Variants in KCNQ3 observed in about 807,000 individuals in gnomAD.
The protein encoded by KCNQ3 is potassium voltage-gated channel subfamily Q member 3, also known as potassium voltage-gated channel subfamily KQT member 3.
A neutral mutation model predicts 92.5 loss-of-function variants in KCNQ3; 30 were observed. The ratio of observed to expected loss-of-function variants is 0.32; its 90% CI spans 0.24 to 0.44. The LOEUF (loss-of-function observed/expected upper bound fraction) is 0.44, where lower values mean the gene tolerates loss of function less well. KCNQ3 is among the 20% of genes least tolerant of loss of function. KCNQ3 has a pLI of 1.00. For missense variants in KCNQ3, 913 were observed against 1,140.3 expected (o/e 0.80, Z 2.87); for synonymous variants, 450 against 468.8 (o/e 0.96, Z 0.52).
rs750149056 is a variant in KCNQ3, at chr8:132,129,790, G to A, written c.2091C>T (p.Tyr697=). 5 of 1,614,220 alleles carry A rather than the reference G, an allele frequency of 3.1e-6. No homozygotes were observed. Among genetic ancestry groups the A allele is most frequent in the South Asian group, 1.1e-5 (1 of 91,086 alleles). The change falls in exon 15 of 15, where the codon TAC becomes TAT. Residue 697 remains tyrosine (Y), a synonymous_variant. Coordinates refer to ENST00000388996, the MANE Select transcript of KCNQ3 (RefSeq NM_004519.4). The surrounding 1 kb of genome is among the most constrained non-coding windows in gnomAD (Gnocchi z 5.9). ...TGTCAATGGTCACCTGGTGGAAGCT[G>A]TAGGGTGGTTCCGGGGGGCCTGTCT... The part of the protein sequence containing the change: ...YSETGPPEPP[Y]SFHQVTIDKV...
At chr8:132,254,468 T>C (rs1815514528) in intron 1 of KCNQ3, among the ~76,000 whole-genome samples, 1 of 152,244 alleles carries the variant, frequency 6.6e-6, no homozygotes, top group African/African-American at 2.4e-5. Flanking sequence ...GATATATTAA[T>C]GTGTTTGTCA....
chr8:132,389,192 C>T (rs1476897555), intron 1 of KCNQ3, among the ~76,000 whole-genome samples: 7 of 152,246 alleles, frequency 4.6e-5, no homozygotes, highest in African/African-American at 1.7e-4. Flanking sequence ...TGCAGTGGTT[C>T]ACACCTGTAA....
chr8:132,456,664 G>GT (rs1821949135), intron 1 of KCNQ3, among the ~76,000 whole-genome samples: 1 of 151,512 alleles, frequency 6.6e-6, no homozygotes, highest in Admixed American at 6.6e-5. Context: ...CTGCAGTGCA[G>GT]TGGTGCGATC....
At chr8:132,242,722 G>A (rs1221352928) in intron 1 of KCNQ3, among the ~76,000 whole-genome samples, 10 of 152,128 alleles carry the variant, frequency 6.6e-5, no homozygotes, top group Non-Finnish European at 1.3e-4. Context: ...AATATTTATC[G>A]AATGAATGAA....
intron 9 of KCNQ3, among the ~76,000 whole-genome samples, chr8:132,153,656 G>A (rs1639426686): frequency 6.6e-6 from 1 of 151,988 alleles, no homozygotes; most frequent in African/African-American, 2.4e-5. Flanking sequence ...GCATAAATGA[G>A]GTCTAGGTAA....
At chr8:132,311,118 C>G (rs1035797619) in intron 1 of KCNQ3, among the ~76,000 whole-genome samples, 1 of 151,980 alleles carries the variant, frequency 6.6e-6, no homozygotes, top group Non-Finnish European at 1.5e-5. Flanking sequence ...CTATTAGAGA[C>G]GGAGTTTTAC....
chr8:132,381,431 C>T (rs1193902581), intron 1 of KCNQ3, among the ~76,000 whole-genome samples: 1 of 152,162 alleles, frequency 6.6e-6, no homozygotes, highest in Non-Finnish European at 1.5e-5. Flanking sequence ...AAACGACAGC[C>T]CTTCCCAAAC....
chr8:132,170,915 A>C (rs1826319211), intron 7 of KCNQ3, among the ~76,000 whole-genome samples: 1 of 151,532 alleles, frequency 6.6e-6, no homozygotes, highest in Admixed American at 6.6e-5. Context: ...GCTACCTGGG[A>C]GGCTGAAGTG....
intron 1 of KCNQ3, among the ~76,000 whole-genome samples, chr8:132,405,708 C>G (rs187906169): frequency 6.6e-6 from 1 of 152,312 alleles, no homozygotes; most frequent in Admixed American, 6.5e-5. Flanking sequence ...AAGATCAGTG[C>G]TATAGTAGAG....
At chr8:132,206,183 G>A (rs1363622898) in intron 1 of KCNQ3, among the ~76,000 whole-genome samples, 4 of 152,142 alleles carry the variant, frequency 2.6e-5, no homozygotes, top group Admixed American at 6.5e-5. Flanking sequence ...ACGATCTAGA[G>A]CACCTGCTCT....
At chr8:132,155,198 C>A (rs76659403) in intron 9 of KCNQ3, among the ~76,000 whole-genome samples, 2 of 152,286 alleles carry the variant, frequency 1.3e-5, no homozygotes, top group East Asian at 3.9e-4. Context: ...ATTGTGAGGG[C>A]CTTTCCCGTT....
chr8:132,402,934 C>G (rs1324832151), intron 1 of KCNQ3, among the ~76,000 whole-genome samples: 1 of 144,730 alleles, frequency 6.9e-6, no homozygotes, highest in Non-Finnish European at 1.5e-5. Context: ...AGGGGAATCG[C>G]TTGAACCCAG....
intron 1 of KCNQ3, among the ~76,000 whole-genome samples, chr8:132,354,035 T>C (rs1022169190): frequency 2.0e-5 from 3 of 152,184 alleles, no homozygotes; most frequent in Non-Finnish European, 4.4e-5. Context: ...AGCAGGAATA[T>C]AGCACCTGGC....
chr8:132,138,666 C>G (rs143027287), intron 11 of KCNQ3, among the ~76,000 whole-genome samples: 245 of 152,300 alleles, frequency 1.6e-3, no homozygotes, highest in African/African-American at 5.6e-3. Context: ...TGAGCCTCAT[C>G]ATAAAGTTAA....
intron 1 of KCNQ3, among the ~76,000 whole-genome samples, chr8:132,314,799 T>C (rs1257657701): frequency 6.6e-6 from 1 of 152,174 alleles, no homozygotes; most frequent in Non-Finnish European, 1.5e-5. Context: ...AGAGTCCTAA[T>C]AGAGGTTATG....
rs888369638 is a variant in KCNQ3, at chr8:132,123,164, TTGG to T, written c.*6095_*6097del. On this transcript the variant is annotated 3_prime_UTR_variant, in exon 15 of 15. Transcript: ENST00000388996. Reference sequence around the variant, plus strand: ...TTTATCAAGAAGAAACCCTGTTTAATTGGCCTATAGATGAGGATGCAACCTAAG... The same window carrying T: ...TTTATCAAGAAGAAACCCTGTTTAATCCTATAGATGAGGATGCAACCTAAG... The T allele has an allele frequency of 2.0e-5, 3 of 152,202 alleles. No individual in the cohort carries two copies. Among genetic ancestry groups the T allele is most frequent in the African/African-American group, 4.8e-5 (2 of 41,450 alleles). 9.4% of individuals were successfully genotyped at this position (152,202 alleles called of 1,614,324 possible). A position where few individuals can be genotyped will look rare whatever the true frequency, so the allele number is the denominator to read the frequency against.
chr8:132,428,507 C>T (rs956111750), intron 1 of KCNQ3, among the ~76,000 whole-genome samples: 1 of 152,160 alleles, frequency 6.6e-6, no homozygotes, highest in South Asian at 2.1e-4. Context: ...TCCTTGCCCC[C>T]AGAACCCAGG....
At chr8:132,291,522 G>C (rs143122344) in intron 1 of KCNQ3, among the ~76,000 whole-genome samples, 1 of 152,142 alleles carries the variant, frequency 6.6e-6, no homozygotes, top group Non-Finnish European at 1.5e-5. Flanking sequence ...GCCTCTGCTA[G>C]ACTTCTTGGA....
chr8:132,414,340 G>C (rs1308154101), intron 1 of KCNQ3, among the ~76,000 whole-genome samples: 1 of 152,158 alleles, frequency 6.6e-6, no homozygotes, highest in East Asian at 1.9e-4. Flanking sequence ...ATCCCCTCTA[G>C]CAGAGCTGAG....
Sources: gnomAD v4.1 joint callset for allele counts (sites outside exome capture counted in the v4.1 genomes callset) on GRCh38, gnomAD v4.1.1 for gene constraint, Gnocchi (gnomAD v3.1) non-coding constraint, MANE v1.5 for transcripts, NCBI Gene and HGNC (gene_info 2026-07-23, HGNC 2026-07-21) for gene names.